The following BMERB1 variants were observed in gnomAD, a reference collection of about 807,000 sequenced individuals.
The protein encoded by BMERB1 is bMERB domain containing 1, also known as bMERB domain-containing protein 1.
A neutral mutation model predicts 23.6 loss-of-function variants in BMERB1; 12 were observed. That is an observed-to-expected ratio of 0.51 (90% CI 0.33 to 0.82). The LOEUF is 0.82. Among genes scored for constraint, BMERB1 ranks in the 40% least tolerant of loss-of-function variants. The pLI, the probability that BMERB1 is intolerant of heterozygous loss-of-function variation, is 0.03. For missense variants in BMERB1, 247 were observed against 255.4 expected (o/e 0.97, Z 0.22); for synonymous variants, 122 against 96.6 (o/e 1.26, Z -1.54).
intron 1 of BMERB1, among the ~76,000 whole-genome samples, chr16:15,449,649 G>A (rs752256395): frequency 1.3e-5 from 2 of 151,740 alleles, no homozygotes; most frequent in South Asian, 2.1e-4. Flanking sequence ...AGGTTCAAGC[G>A]ATTCTCCTGC....
At chr16:15,480,839 C>T (rs2051314320) in intron 1 of BMERB1, among the ~76,000 whole-genome samples, 1 of 151,872 alleles carries the variant, frequency 6.6e-6, no homozygotes, top group Non-Finnish European at 1.5e-5. Flanking sequence ...GTTTCGATCT[C>T]TTGACGTCAA....
chr16:15,478,380 C>T (rs1354257249), intron 1 of BMERB1, among the ~76,000 whole-genome samples: 1 of 152,084 alleles, frequency 6.6e-6, no homozygotes, highest in African/African-American at 2.4e-5. Context: ...AAGCTGGTCT[C>T]GAACTCCTGA....
intron 1 of BMERB1, among the ~76,000 whole-genome samples, chr16:15,445,037 C>G (rs2050977344): frequency 6.6e-6 from 1 of 152,138 alleles, no homozygotes; most frequent in Admixed American, 6.5e-5. Context: ...ACTACAGGTG[C>G]ACACCACCAC....
intron 3 of BMERB1, among the ~76,000 whole-genome samples, chr16:15,576,332 C>T (rs1205224089): frequency 6.6e-6 from 1 of 152,254 alleles, no homozygotes; most frequent in South Asian, 2.1e-4. Context: ...CAGGTGTGAG[C>T]CACCGCGCCT....
At chr16:15,526,222 G>A (rs1052370111) in intron 2 of BMERB1, among the ~76,000 whole-genome samples, 1 of 152,162 alleles carries the variant, frequency 6.6e-6, no homozygotes, top group Non-Finnish European at 1.5e-5. Context: ...CAGGAGGCAT[G>A]TTCCAGAATG....
chr16:15,588,196 T>C lies in BMERB1; in HGVS notation c.*1367T>C, dbSNP rs1359678011. On this transcript the variant is annotated 3_prime_UTR_variant, in exon 6 of 6. Coordinates refer to ENST00000300006, the MANE Select transcript of BMERB1 (RefSeq NM_033201.3). Reference sequence around the variant, plus strand: ...TTTATAACCAGTTTTTTCCTACTTATTATACCACCATCTTCCACATCATTA... The same window carrying C: ...TTTATAACCAGTTTTTTCCTACTTACTATACCACCATCTTCCACATCATTA... The C allele has an allele frequency of 1.3e-5, 2 of 152,208 alleles. No individual in the cohort carries two copies. Among genetic ancestry groups the C allele is most frequent in the Non-Finnish European group, 2.9e-5 (2 of 68,040 alleles). The allele number at this position is 152,208 out of a possible 1,614,324, so 9.4% of individuals were successfully genotyped here. A position where few individuals can be genotyped will look rare whatever the true frequency, so the allele number is the denominator to read the frequency against.
At chr16:15,444,620 C>T (rs931696312) in intron 1 of BMERB1, among the ~76,000 whole-genome samples, 35 of 152,236 alleles carry the variant, frequency 2.3e-4, no homozygotes, top group African/African-American at 7.2e-4. Flanking sequence ...GTTTTGCAGA[C>T]GATATTTATT....
chr16:15,455,668 G>A (rs1446220163), intron 1 of BMERB1, among the ~76,000 whole-genome samples: 1 of 151,870 alleles, frequency 6.6e-6, no homozygotes, highest in African/African-American at 2.4e-5. Flanking sequence ...CTCCATGTTG[G>A]TCAGGCTGGT....
At chr16:15,476,490 A>T (rs970238519) in intron 1 of BMERB1, among the ~76,000 whole-genome samples, 1 of 152,174 alleles carries the variant, frequency 6.6e-6, no homozygotes, top group Admixed American at 6.5e-5. Flanking sequence ...TATTGCTGCC[A>T]GGTGGGTGTG....
intron 1 of BMERB1, among the ~76,000 whole-genome samples, chr16:15,468,512 A>T (rs188603267): frequency 6.6e-6 from 1 of 152,258 alleles, no homozygotes; most frequent in Non-Finnish European, 1.5e-5. Context: ...GAAGGCAGGT[A>T]TAATGAGGCA....
rs115417247 is a variant in BMERB1 at position 15,528,059 on chromosome 16, T to A, written c.230+12631T>A. The stretch of plus-strand genomic sequence containing the variant: ...GATTTTCTCACCATGTGAATCTGAT[T>A]ATAACTCTCAGATTTAAACACTGTC... On this transcript the variant is annotated intron_variant, in intron 2 of 5. Coordinates refer to ENST00000300006, the MANE Select transcript of BMERB1 (RefSeq NM_033201.3). Among the ~76,000 whole-genome samples, 824 of 152,288 alleles carry A rather than the reference T, an allele frequency of 5.4e-3. 4 individuals carry two copies. Among genetic ancestry groups the A allele is most frequent in the African/African-American group, 0.019 (774 of 41,548 alleles).
intron 2 of BMERB1, among the ~76,000 whole-genome samples, chr16:15,549,974 C>G (rs369732028): frequency 6.6e-6 from 1 of 151,216 alleles, no homozygotes; most frequent in African/African-American, 2.4e-5. Context: ...TTTTGAGATG[C>G]AGTCTTGCTC....
chr16:15,465,484 C>A (rs2051173497), intron 1 of BMERB1, among the ~76,000 whole-genome samples: 1 of 151,724 alleles, frequency 6.6e-6, no homozygotes, highest in Non-Finnish European at 1.5e-5. Flanking sequence ...TCCCAAGTAG[C>A]TGGGATTACA....
chr16:15,477,122 G>T (rs979090199), intron 1 of BMERB1, among the ~76,000 whole-genome samples: 1 of 152,058 alleles, frequency 6.6e-6, no homozygotes, highest in East Asian at 1.9e-4. Context: ...ACCTGAGACT[G>T]GGTAATTATA....
Position 15,502,235 on chromosome 16 carries a change from A to T in BMERB1, c.107-13070A>T, listed in dbSNP as rs1343644219. 5 of 1,492,232 alleles carry T rather than the reference A, an allele frequency of 3.4e-6. No individual in the cohort carries two copies. In the African/African-American group the frequency reaches 7.0e-5, roughly 21 times the overall value. 92.4% of individuals were successfully genotyped at this position (1,492,232 alleles called of 1,614,324 possible). A position where few individuals can be genotyped will look rare whatever the true frequency, so the allele number is the denominator to read the frequency against. Reference sequence around the variant, plus strand: ...GGGGAAACAGAAACTCGCAGAAGTTAAAAAAATGTGCTTGAGGTGCCACTG... The same window carrying T: ...GGGGAAACAGAAACTCGCAGAAGTTTAAAAAATGTGCTTGAGGTGCCACTG... On this transcript the variant is annotated intron_variant, in intron 1 of 5. Transcript: ENST00000300006.
intron 2 of BMERB1, among the ~76,000 whole-genome samples, chr16:15,540,645 C>T (rs2052069579): frequency 6.6e-6 from 1 of 152,198 alleles, no homozygotes; most frequent in Admixed American, 6.5e-5. Flanking sequence ...TTCCTTCTTG[C>T]CTGCAAGGCG....
At chr16:15,545,899 C>T (rs1324571314) in intron 2 of BMERB1, among the ~76,000 whole-genome samples, 1 of 152,156 alleles carries the variant, frequency 6.6e-6, no homozygotes, top group South Asian at 2.1e-4. Context: ...CAACCCCACC[C>T]AAGACCATGT....
chr16:15,483,516 G>C (rs1210393028), intron 1 of BMERB1, among the ~76,000 whole-genome samples: 2 of 152,018 alleles, frequency 1.3e-5, no homozygotes, highest in African/African-American at 2.4e-5. Flanking sequence ...AGTAGCTGGG[G>C]TTATAGATGT....
chr16:15,530,494 T>C (rs1387140642), intron 2 of BMERB1, among the ~76,000 whole-genome samples: 1 of 152,194 alleles, frequency 6.6e-6, no homozygotes, highest in Non-Finnish European at 1.5e-5. Flanking sequence ...TTGCTTCCTT[T>C]AATTCCTGGG....
Sources: gnomAD v4.1 joint callset for allele counts (sites outside exome capture counted in the v4.1 genomes callset) on GRCh38, gnomAD v4.1.1 for gene constraint, MANE v1.5 for transcripts, NCBI Gene and HGNC (gene_info 2026-07-23, HGNC 2026-07-21) for gene names.